Variants in CACNB2 observed in about 807,000 individuals in gnomAD.
The protein encoded by CACNB2 is voltage-dependent L-type calcium channel subunit beta-2.
Under a neutral mutation model 73.3 loss-of-function variants are expected in CACNB2, and 42 were observed. The observed-to-expected ratio is 0.57, with a 90% confidence interval of 0.45 to 0.74. The LOEUF (loss-of-function observed/expected upper bound fraction) is 0.74. CACNB2 is among the 30% of genes least tolerant of loss of function. CACNB2 has a pLI of 0.00. For synonymous variants in CACNB2, 348 were observed against 310.3 expected (o/e 1.12, Z -1.28); for missense variants, 940 against 853.0 (o/e 1.10, Z -1.27).
intron 2 of CACNB2, among the ~76,000 whole-genome samples, chr10:18,212,048 G>T (rs911184163): frequency 2.0e-5 from 3 of 152,086 alleles, no homozygotes; most frequent in Admixed American, 6.6e-5. Context: ...AATCCTCCAG[G>T]CCTCAGGTGT....
chr10:18,157,817 C>T (rs775204794), intron 2 of CACNB2, among the ~76,000 whole-genome samples: 2 of 152,184 alleles, frequency 1.3e-5, no homozygotes, highest in Admixed American at 6.5e-5. Context: ...ATTCCTACGA[C>T]AAATACATAG....
chr10:18,307,124 C>T (rs149039730), intron 2 of CACNB2, among the ~76,000 whole-genome samples: 177 of 152,182 alleles, frequency 1.2e-3, no homozygotes, highest in African/African-American at 4.1e-3. Context: ...TAGGTGAAAT[C>T]GTGTTTAAAA....
At chr10:18,456,516 C>G (rs146569521) in intron 3 of CACNB2, among the ~76,000 whole-genome samples, 31 of 152,190 alleles carry the variant, frequency 2.0e-4, no homozygotes, top group Middle Eastern at 3.4e-3. Flanking sequence ...ACGAGAACAG[C>G]GCCAAGATAT....
At chr10:18,413,586 C>A (rs960412437) in intron 3 of CACNB2, among the ~76,000 whole-genome samples, 4 of 152,160 alleles carry the variant, frequency 2.6e-5, no homozygotes, top group Non-Finnish European at 5.9e-5. Flanking sequence ...AAATCTGAAA[C>A]CTTCGTCGAA....
chr10:18,457,857 T>C (rs2047364015), intron 3 of CACNB2, among the ~76,000 whole-genome samples: 1 of 151,528 alleles, frequency 6.6e-6, no homozygotes, highest in East Asian at 2.0e-4. Flanking sequence ...ACCATTGTAC[T>C]CCAGCCTGGG....
Position 18,535,623 on chromosome 10 carries a change from A to T in CACNB2, c.1207-478A>T, listed in dbSNP as rs573854572. ...CCGTCTCTACTAAAAATACAAAAAA[A>T]TTAGCCGGGCGTGGTGGCGGGTGCC... On this transcript the variant is annotated intron_variant, in intron 11 of 13. Transcript: ENST00000324631. Among the ~76,000 whole-genome samples, 21 of 152,088 alleles carry T rather than the reference A, an allele frequency of 1.4e-4. 1 individual carries two copies. The highest frequency in any genetic ancestry group is 5.1e-4 in the African/African-American group (21 of 41,488).
rs2038649623 is a variant in CACNB2, at chr10:18,283,537, G to A, written c.214-118387G>A. Among the ~76,000 whole-genome samples the A allele has an allele frequency of 2.0e-5, 3 of 152,032 alleles. No individual in the cohort carries two copies. The South Asian group carries it at 6.2e-4, about 32-fold the overall frequency. Reference sequence around the variant, plus strand: ...CCTTTGTAGGGACATGGATGAAGCTGGAAACCATCATTCTGAGCAAACTAT... The same window carrying A: ...CCTTTGTAGGGACATGGATGAAGCTAGAAACCATCATTCTGAGCAAACTAT... On this transcript the variant is annotated intron_variant, in intron 2 of 13. Coordinates refer to ENST00000324631, the MANE Select transcript of CACNB2 (RefSeq NM_201596.3).
chr10:18,198,571 A>G (rs562001255), intron 2 of CACNB2, among the ~76,000 whole-genome samples: 3 of 152,310 alleles, frequency 2.0e-5, no homozygotes, highest in Non-Finnish European at 2.9e-5. Flanking sequence ...ATGACTCCCC[A>G]TTGTCTACTG....
chr10:18,462,443 G>A lies in CACNB2; in HGVS notation c.334-35912G>A, dbSNP rs1025687923. Among the ~76,000 whole-genome samples the A allele has an allele frequency of 1.2e-3, 183 of 152,082 alleles. 1 individual carries two copies. The highest frequency in any genetic ancestry group is 5.9e-5 in the Non-Finnish European group (4 of 68,028). ...TAATTTTTGTATTTTTTGTAGAGAT[G>A]GGGTCTTGCTATGTTGCCCAGGCTG... On this transcript the variant is annotated intron_variant, in intron 3 of 13. Coordinates refer to ENST00000324631, the MANE Select transcript of CACNB2 (RefSeq NM_201596.3).
chr10:18,401,910 A>G lies in CACNB2; in HGVS notation c.214-14A>G, dbSNP rs202158315. ...AGACTGAATCTACTTTAAAATGTAC[A>G]TTTTCCTCTCCAGGGTTCGGCAGAC... On this transcript the variant is annotated splice_polypyrimidine_tract_variant and intron_variant, in intron 2 of 13. Coordinates refer to ENST00000324631, the MANE Select transcript of CACNB2 (RefSeq NM_201596.3). 3.7e-6 allele frequency: 6 copies of G among 1,613,608 alleles called. No individual in the cohort carries two copies. The African/African-American group carries it at 5.3e-5, about 14-fold the overall frequency.
At chr10:18,335,910 A>G (rs1213050573) in intron 2 of CACNB2, among the ~76,000 whole-genome samples, 1 of 149,644 alleles carries the variant, frequency 6.7e-6, no homozygotes, top group Non-Finnish European at 1.5e-5. Flanking sequence ...TAGAATTTCC[A>G]TCCTCATCCT....
chr10:18,262,871 A>G (rs978669835), intron 2 of CACNB2, among the ~76,000 whole-genome samples: 3 of 152,342 alleles, frequency 2.0e-5, no homozygotes, highest in African/African-American at 4.8e-5. Flanking sequence ...TACATTGAAC[A>G]TGTAAATAAA....
At chr10:18,303,429 C>G (rs2039605902) in intron 2 of CACNB2, among the ~76,000 whole-genome samples, 1 of 152,056 alleles carries the variant, frequency 6.6e-6, no homozygotes, top group Non-Finnish European at 1.5e-5. Flanking sequence ...CGCTTGAGCC[C>G]AGGTTGGGAA....
intron 2 of CACNB2, among the ~76,000 whole-genome samples, chr10:18,308,920 A>G (rs2039850958): frequency 6.6e-6 from 1 of 152,222 alleles, no homozygotes; most frequent in Admixed American, 6.5e-5. Context: ...CTTGCAAAAA[A>G]TGCAATTTTA....
At chr10:18,167,399 C>T (rs960649813) in intron 2 of CACNB2, among the ~76,000 whole-genome samples, 8 of 152,026 alleles carry the variant, frequency 5.3e-5, no homozygotes, top group African/African-American at 1.9e-4. Context: ...CAAACCTTAC[C>T]ATCATGCAAT....
chr10:18,489,583 C>A (rs770476001), intron 3 of CACNB2, among the ~76,000 whole-genome samples: 2 of 151,776 alleles, frequency 1.3e-5, no homozygotes, highest in Non-Finnish European at 2.9e-5. Context: ...GCTGGGAGAA[C>A]TTTTTTGAGC....
At chr10:18,289,866 AC>A (rs1564408182) in intron 2 of CACNB2, among the ~76,000 whole-genome samples, 1 of 152,046 alleles carries the variant, frequency 6.6e-6, no homozygotes, top group African/African-American at 2.4e-5. Context: ...ATAAGTAGGA[AC>A]CATAATTCCA....
At chr10:18,199,941 CTGTG>C (rs141377460) in intron 2 of CACNB2, among the ~76,000 whole-genome samples, 2,937 of 136,476 alleles carry the variant, frequency 0.022, 72 homozygotes, top group Admixed American at 0.065. Flanking sequence ...GTATATGAAA[CTGTG>C]TGTGTGTGTG....
At chr10:18,224,773 T>C (rs550130720) in intron 2 of CACNB2, among the ~76,000 whole-genome samples, 10 of 152,298 alleles carry the variant, frequency 6.6e-5, no homozygotes, top group Non-Finnish European at 1.2e-4. Context: ...TACTGCGGGC[T>C]TTTACGGCCT....
Sources: allele counts gnomAD v4.1 joint callset (sites outside exome capture counted in the v4.1 genomes callset), GRCh38; gene constraint gnomAD v4.1.1; transcripts MANE v1.5; gene names NCBI Gene and HGNC (gene_info 2026-07-23, HGNC 2026-07-21).